Variants in GPC6 observed in about 807,000 individuals in gnomAD.
GPC6 encodes glypican 6.
GPC6 carries 14 observed loss-of-function variants against 55.2 expected under a neutral mutation model. The observed-to-expected ratio is 0.25, with a 90% confidence interval of 0.17 to 0.40. The LOEUF is 0.40. Ranked by LOEUF, GPC6 falls within the 10% of genes least tolerant of loss-of-function variation. The pLI, the probability that GPC6 is intolerant of heterozygous loss-of-function variation, is 1.00. For synonymous variants in GPC6, 278 were observed against 259.6 expected (o/e 1.07, Z -0.68); for missense variants, 641 against 708.5 (o/e 0.90, Z 1.08).
intron 4 of GPC6, among the ~76,000 whole-genome samples, chr13:94,068,920 G>A (rs550647787): frequency 1.3e-5 from 2 of 152,312 alleles, no homozygotes; most frequent in African/African-American, 2.4e-5. Context: ...CAGGTGCACA[G>A]TGCAAGCTAT....
intron 1 of GPC6, among the ~76,000 whole-genome samples, chr13:93,400,474 G>T (rs564376600): frequency 5.0e-5 from 4 of 79,822 alleles, no homozygotes; most frequent in East Asian, 2.8e-4. Flanking sequence ...GGGACAGGGT[G>T]GGGGGAGGTG....
chr13:94,181,957 G>C (rs1889011688), intron 4 of GPC6, among the ~76,000 whole-genome samples: 1 of 152,214 alleles, frequency 6.6e-6, no homozygotes, highest in Admixed American at 6.5e-5. Flanking sequence ...CTGAGACTCA[G>C]AGAGGTTGCA....
At chr13:94,079,818 C>A (rs1373096782) in intron 4 of GPC6, among the ~76,000 whole-genome samples, 2 of 152,172 alleles carry the variant, frequency 1.3e-5, no homozygotes, top group African/African-American at 4.8e-5. Flanking sequence ...TTTTAAGCTA[C>A]CTGGATGACA....
intron 1 of GPC6, among the ~76,000 whole-genome samples, chr13:93,414,001 C>T (rs1466476723): frequency 6.6e-6 from 1 of 152,158 alleles, no homozygotes; most frequent in Non-Finnish European, 1.5e-5. Flanking sequence ...ATGTTGGCAA[C>T]TTCCCACCAA....
chr13:94,318,313 C>T (rs888401076), intron 6 of GPC6, among the ~76,000 whole-genome samples: 2 of 152,110 alleles, frequency 1.3e-5, no homozygotes, highest in African/African-American at 4.8e-5. Context: ...TGTTCCAAGA[C>T]CCCCAGTGCA....
At chr13:93,863,890 C>T (rs775184401) in intron 3 of GPC6, among the ~76,000 whole-genome samples, 25 of 151,660 alleles carry the variant, frequency 1.6e-4, no homozygotes, top group Admixed American at 4.6e-4. Flanking sequence ...TTATCAGGAA[C>T]GTTTTGGGAA....
intron 1 of GPC6, among the ~76,000 whole-genome samples, chr13:93,329,920 G>A (rs562194925): frequency 1.4e-4 from 22 of 151,982 alleles, no homozygotes; most frequent in African/African-American, 4.3e-4. Context: ...AATACATTAA[G>A]GAAATTCAAG....
chr13:93,229,520 A>G (rs907409164), intron 1 of GPC6, among the ~76,000 whole-genome samples: 1 of 152,222 alleles, frequency 6.6e-6, no homozygotes, highest in Non-Finnish European at 1.5e-5. Flanking sequence ...CTTTAATATC[A>G]AAGTGAAGAT....
At chr13:93,744,540 T>C (rs1385191881) in intron 2 of GPC6, among the ~76,000 whole-genome samples, 1 of 86,284 alleles carries the variant, frequency 1.2e-5, no homozygotes, top group Non-Finnish European at 2.8e-5. Flanking sequence ...TTTTTTTTTT[T>C]TTTTTTTTTT....
intron 1 of GPC6, chr13:93,395,778 CTG>C (rs1875827167): frequency 6.5e-6 from 1 of 152,702 alleles, no homozygotes; most frequent in Non-Finnish European, 1.5e-5. Context: ...GCTCAGCCCT[CTG>C]ATGAAGAGCT....
intron 2 of GPC6, among the ~76,000 whole-genome samples, chr13:93,626,633 C>T (rs1000483387): frequency 6.6e-6 from 1 of 152,030 alleles, no homozygotes; most frequent in Non-Finnish European, 1.5e-5. Context: ...GAAACCCCGT[C>T]TCTACTAAAA....
At chr13:94,208,764 A>T (rs1889981154) in intron 4 of GPC6, among the ~76,000 whole-genome samples, 2 of 149,614 alleles carry the variant, frequency 1.3e-5, no homozygotes, top group South Asian at 4.2e-4. Flanking sequence ...AAAAAAAAAA[A>T]AAAAAAAAAA....
intron 2 of GPC6, among the ~76,000 whole-genome samples, chr13:93,821,018 C>T (rs1887028499): frequency 6.6e-6 from 1 of 152,110 alleles, no homozygotes; most frequent in South Asian, 2.1e-4. Context: ...TTCCTGACTA[C>T]AAGAATTTAA....
intron 2 of GPC6, among the ~76,000 whole-genome samples, chr13:93,700,068 G>A (rs1433860490): frequency 6.6e-6 from 1 of 151,960 alleles, no homozygotes; most frequent in African/African-American, 2.4e-5. Flanking sequence ...ATATTTTCAG[G>A]TGTATAAAGA....
intron 1 of GPC6, among the ~76,000 whole-genome samples, chr13:93,286,132 G>A (rs886666385): frequency 6.6e-6 from 1 of 152,106 alleles, no homozygotes; most frequent in Admixed American, 6.6e-5. Flanking sequence ...TAGCTGGGGA[G>A]GCCTCAGGAA....
At chr13:93,566,175 T>G (rs1239029397) in intron 2 of GPC6, among the ~76,000 whole-genome samples, 1 of 152,198 alleles carries the variant, frequency 6.6e-6, no homozygotes, top group African/African-American at 2.4e-5. Context: ...AATTTTTATG[T>G]TTCCTTGTAA....
At chr13:93,791,034 A>T (rs1886016078) in intron 2 of GPC6, among the ~76,000 whole-genome samples, 1 of 152,204 alleles carries the variant, frequency 6.6e-6, no homozygotes, top group Non-Finnish European at 1.5e-5. Context: ...GAGGAGCCTC[A>T]ACCGTTCCCC....
chr13:94,053,181 A>T (rs1298576931), intron 4 of GPC6, among the ~76,000 whole-genome samples: 2 of 152,134 alleles, frequency 1.3e-5, no homozygotes, highest in African/African-American at 4.8e-5. Flanking sequence ...TTTGCCACTC[A>T]ATATAGTTAA....
At chr13:93,853,120 T>A (rs1366039571) in intron 3 of GPC6, among the ~76,000 whole-genome samples, 12 of 151,746 alleles carry the variant, frequency 7.9e-5, no homozygotes, top group Non-Finnish European at 1.8e-4. Context: ...TGAAAAGTTT[T>A]ATTTAAAAAC....
Sources: gnomAD v4.1 joint callset for allele counts (sites outside exome capture counted in the v4.1 genomes callset) on GRCh38, gnomAD v4.1.1 for gene constraint, MANE v1.5 for transcripts, NCBI Gene and HGNC (gene_info 2026-07-23, HGNC 2026-07-21) for gene names.